Variants in SNX30 observed in about 807,000 individuals in gnomAD.
The protein encoded by SNX30 is sorting nexin-30.
Under a neutral mutation model 46.4 loss-of-function variants are expected in SNX30, and 24 were observed. The ratio of observed to expected loss-of-function variants is 0.52; its 90% CI spans 0.37 to 0.73. The LOEUF (loss-of-function observed/expected upper bound fraction) is 0.73. Among genes scored for constraint, SNX30 ranks in the 30% least tolerant of loss-of-function variants. SNX30 has a pLI of 0.00. For synonymous variants in SNX30, 189 were observed against 211.5 expected (o/e 0.89, Z 0.92); for missense variants, 533 against 555.7 (o/e 0.96, Z 0.41).
intron 4 of SNX30, among the ~76,000 whole-genome samples, chr9:112,834,517 C>G (rs1307598623): frequency 1.3e-5 from 2 of 152,168 alleles, no homozygotes; most frequent in Non-Finnish European, 2.9e-5. Flanking sequence ...GGGCGTGGAA[C>G]TTCCATGCCC....
At chr9:112,876,307 A>G (rs1038366736), downstream of SNX30, among the ~76,000 whole-genome samples, 1 of 151,818 alleles carries the variant, frequency 6.6e-6, no homozygotes, top group Admixed American at 6.6e-5. Flanking sequence ...ATTAGCTAAA[A>G]TTAGGAGAGA....
rs1429217706 is a variant in SNX30 at position 112,843,314 on chromosome 9, C to T, written c.1014+4617C>T. Among the ~76,000 whole-genome samples, 9 of 152,186 alleles carry T rather than the reference C, an allele frequency of 5.9e-5. No homozygotes were observed. In the East Asian group the frequency reaches 1.3e-3, roughly 23 times the overall value. On this transcript the variant is annotated intron_variant, in intron 6 of 8. Transcript: ENST00000374232. ...TTTAAGAGGTTTATCTATGTCAATACGCATGCTTATCTCAGGGGTCTTGGT... is the reference window on the plus strand; with the variant it reads ...TTTAAGAGGTTTATCTATGTCAATATGCATGCTTATCTCAGGGGTCTTGGT...
At chr9:112,778,642 A>G (rs1376883182) in intron 1 of SNX30, among the ~76,000 whole-genome samples, 1 of 152,226 alleles carries the variant, frequency 6.6e-6, no homozygotes, top group Non-Finnish European at 1.5e-5. Context: ...GATAGACATC[A>G]TCTCTTGATG....
intron 6 of SNX30, among the ~76,000 whole-genome samples, chr9:112,842,334 T>C (rs867664556): frequency 6.6e-5 from 10 of 152,194 alleles, no homozygotes; most frequent in Non-Finnish European, 1.3e-4. Context: ...GTGGTGAGGT[T>C]CTGTCAGTCT....
intron 2 of SNX30, among the ~76,000 whole-genome samples, chr9:112,805,952 C>T (rs1367624162): frequency 6.6e-6 from 1 of 152,128 alleles, no homozygotes; most frequent in Non-Finnish European, 1.5e-5. Context: ...TACATAATTC[C>T]ACTTATAAAA....
chr9:112,878,901 G>A (rs4979176), downstream of SNX30: 135,829 of 152,260 alleles, frequency 0.89, 60,841 homozygotes, highest in East Asian at 0.99. Flanking sequence ...GACCTGGGAA[G>A]GAACGATTCA....
chr9:112,842,483 G>A (rs1840875765), intron 6 of SNX30, among the ~76,000 whole-genome samples: 1 of 152,240 alleles, frequency 6.6e-6, no homozygotes, highest in Non-Finnish European at 1.5e-5. Context: ...GAAAAGTCCT[G>A]TCCTGATGGA....
At chr9:112,776,366 C>T (rs1365999834) in intron 1 of SNX30, among the ~76,000 whole-genome samples, 1 of 152,146 alleles carries the variant, frequency 6.6e-6, no homozygotes, top group Non-Finnish European at 1.5e-5. Flanking sequence ...TTCTACTTTT[C>T]TGTTTAATTT....
chr9:112,854,754 T>C (rs1841093312), intron 7 of SNX30, among the ~76,000 whole-genome samples: 1 of 152,190 alleles, frequency 6.6e-6, no homozygotes, highest in African/African-American at 2.4e-5. Context: ...CCAGCACGGT[T>C]GGAGCACAGG....
Position 112,857,035 on chromosome 9 carries a change from G to A in SNX30, c.1101+6090G>A, listed in dbSNP as rs142766823. On this transcript the variant is annotated intron_variant, in intron 7 of 8. Transcript: ENST00000374232. Reference sequence around the variant, plus strand: ...AAGTGCATCTGGCTCCAAAACTGGTGCCTTTCCCCAGGGCGCGGGCCCCAG... The same window carrying A: ...AAGTGCATCTGGCTCCAAAACTGGTACCTTTCCCCAGGGCGCGGGCCCCAG... 1.1e-4 allele frequency among the ~76,000 whole-genome samples: 16 copies of A among 152,336 alleles called. No homozygotes were observed. In the East Asian group the frequency reaches 3.1e-3, roughly 29 times the overall value.
intron 2 of SNX30, among the ~76,000 whole-genome samples, chr9:112,815,012 A>G (rs1840375882): frequency 6.6e-6 from 1 of 152,250 alleles, no homozygotes. Context: ...TAAAAGAGAT[A>G]CAGACAATGA....
intron 6 of SNX30, among the ~76,000 whole-genome samples, chr9:112,848,703 G>A (rs1018835459): frequency 7.2e-5 from 11 of 152,228 alleles, no homozygotes; most frequent in African/African-American, 1.2e-4. Flanking sequence ...TTCTGGCCAC[G>A]CTGGATAACA....
rs1840830989 is a variant in SNX30 at position 112,840,082 on chromosome 9, G to A, written c.1014+1385G>A. 3.3e-5 allele frequency among the ~76,000 whole-genome samples: 5 copies of A among 152,350 alleles called. No individual in the cohort carries two copies. In the South Asian group the frequency reaches 1.0e-3, roughly 32 times the overall value. On this transcript the variant is annotated intron_variant, in intron 6 of 8. Transcript: ENST00000374232. ...TACTAAACTGTGGACGGTGGAAAATGGAGCCTCTGGTGAATCCCCTTTTCA... is the reference window on the plus strand; with the variant it reads ...TACTAAACTGTGGACGGTGGAAAATAGAGCCTCTGGTGAATCCCCTTTTCA...
At chr9:112,793,214 A>C (rs529843324) in intron 1 of SNX30, among the ~76,000 whole-genome samples, 1 of 152,322 alleles carries the variant, frequency 6.6e-6, no homozygotes, top group Non-Finnish European at 1.5e-5. Flanking sequence ...GATGGGAAAG[A>C]AGCCTGGCTT....
At chr9:112,809,091 CTTTTTT>C (rs34992498) in intron 2 of SNX30, among the ~76,000 whole-genome samples, 1 of 144,382 alleles carries the variant, frequency 6.9e-6, no homozygotes, top group Non-Finnish European at 1.5e-5. Context: ...GATTTTCTTT[CTTTTTT>C]TTTTTTTTTG....
chr9:112,821,463 A>G lies in SNX30; in HGVS notation c.459+3648A>G, dbSNP rs1053248546. ...TATATGTGTATATATGTGTGTGTGT[A>G]TATGTGTGTATATATATGTGTGTGT... On this transcript the variant is annotated intron_variant, in intron 3 of 8. Coordinates refer to ENST00000374232, the MANE Select transcript of SNX30 (RefSeq NM_001012994.2). Among the ~76,000 whole-genome samples, 34 of 151,572 alleles carry G rather than the reference A, an allele frequency of 2.2e-4. 2 individuals are homozygous for G. Among genetic ancestry groups the G allele is most frequent in the African/African-American group, 7.3e-5 (3 of 41,176 alleles).
chr9:112,771,068 C>A (rs531317017), intron 1 of SNX30, among the ~76,000 whole-genome samples: 80 of 151,640 alleles, frequency 5.3e-4, no homozygotes, highest in Non-Finnish European at 8.5e-4. Flanking sequence ...TATTCTCCCC[C>A]TTTACCTGGC....
chr9:112,764,901 C>T (rs1275851598), intron 1 of SNX30, among the ~76,000 whole-genome samples: 2 of 152,272 alleles, frequency 1.3e-5, no homozygotes, highest in East Asian at 3.9e-4. Flanking sequence ...ACATCATCGA[C>T]GCAGGGGGAG....
chr9:112,793,408 G>A (rs1840057581), intron 1 of SNX30, among the ~76,000 whole-genome samples: 1 of 152,134 alleles, frequency 6.6e-6, no homozygotes, highest in Non-Finnish European at 1.5e-5. Context: ...TGTGGGCGGG[G>A]TGCCCTCTGC....
Sources: allele counts gnomAD v4.1 joint callset (sites outside exome capture counted in the v4.1 genomes callset), GRCh38; gene constraint gnomAD v4.1.1; transcripts MANE v1.5; gene names NCBI Gene and HGNC (gene_info 2026-07-23, HGNC 2026-07-21).